The following DCC variants were observed in gnomAD, a reference collection of about 807,000 sequenced individuals.
The protein encoded by DCC is DCC netrin 1 receptor, also known as netrin receptor DCC.
Under a neutral mutation model 172.5 loss-of-function variants are expected in DCC, and 58 were observed. The ratio of observed to expected loss-of-function variants is 0.34; its 90% confidence interval spans 0.27 to 0.42. DCC has a LOEUF of 0.42. DCC is among the 10% of genes least tolerant of loss of function. The probability of loss-of-function intolerance (pLI) is 1.00; values close to 1 mark genes in which losing one functional copy is unlikely to be tolerated. For missense variants in DCC, 1,740 were observed against 1,791.0 expected (o/e 0.97, Z 0.51); for synonymous variants, 709 against 644.5 (o/e 1.10, Z -1.52).
chr18:52,628,194 CT>C (rs569101737), intron 1 of DCC, among the ~76,000 whole-genome samples: 26 of 152,090 alleles, frequency 1.7e-4, no homozygotes, highest in Admixed American at 5.2e-4. Context: ...CCTTGAAAGA[CT>C]TTTTTTTCAT....
At position 53,530,872 on chromosome 18, in the gene DCC, C is replaced by A; in HGVS notation, c.*219C>A. The A allele has an allele frequency of 1.6e-6, 1 of 618,410 alleles. No homozygotes were observed. The highest frequency in any genetic ancestry group is 2.8e-5 in the East Asian group (1 of 35,844). The allele number at this position is 618,410 out of a possible 1,614,324, so 38.3% of individuals were successfully genotyped here. A position where few individuals can be genotyped will look rare whatever the true frequency, so the allele number is the denominator to read the frequency against. ...AAATGATGATTATGAGTTCCCTAAA[C>A]AAAAGCAAAGATGCATTTTCACTGC... On this transcript the variant is annotated 3_prime_UTR_variant, in exon 29 of 29. Coordinates refer to ENST00000442544, the MANE Select transcript of DCC (RefSeq NM_005215.4).
At chr18:53,464,979 C>CA (rs71179510) in intron 24 of DCC, among the ~76,000 whole-genome samples, 1,694 of 54,350 alleles carry the variant, frequency 0.031, 13 homozygotes, top group East Asian at 0.079. Flanking sequence ...AACTCAATCT[C>CA]AAAAAAAAAA....
intron 15 of DCC, among the ~76,000 whole-genome samples, chr18:53,359,864 T>A (rs2057925277): frequency 6.6e-6 from 1 of 152,110 alleles, no homozygotes; most frequent in African/African-American, 2.4e-5. Context: ...CCCATTTCAG[T>A]GACCCCTGAC....
chr18:52,959,171 T>A (rs895123647), intron 5 of DCC, among the ~76,000 whole-genome samples: 1 of 152,020 alleles, frequency 6.6e-6, no homozygotes, highest in African/African-American at 2.4e-5. Context: ...TAATTGTAAA[T>A]AGGTCAAGAA....
chr18:52,592,244 A>T (rs2033816546), intron 1 of DCC, among the ~76,000 whole-genome samples: 1 of 152,226 alleles, frequency 6.6e-6, no homozygotes, highest in African/African-American at 2.4e-5. Context: ...AAATAGCCAG[A>T]TCAACACTTC....
chr18:52,823,658 A>G (rs1168886443), intron 2 of DCC, among the ~76,000 whole-genome samples: 1 of 152,156 alleles, frequency 6.6e-6, no homozygotes, highest in Non-Finnish European at 1.5e-5. Context: ...GCTTTTATAA[A>G]TTGTGTTATA....
chr18:52,954,190 A>C (rs1327949200), intron 5 of DCC, among the ~76,000 whole-genome samples: 1 of 152,206 alleles, frequency 6.6e-6, no homozygotes, highest in South Asian at 2.1e-4. Flanking sequence ...TGCAATAAAA[A>C]TCTTCACAAC....
intron 2 of DCC, among the ~76,000 whole-genome samples, chr18:52,789,504 C>A (rs1483504994): frequency 6.6e-6 from 1 of 152,142 alleles, no homozygotes; most frequent in East Asian, 1.9e-4. Flanking sequence ...TTAAGCTGAG[C>A]ACTCTTTAAG....
chr18:52,503,036 A>G (rs1331284362), intron 1 of DCC, among the ~76,000 whole-genome samples: 1 of 152,190 alleles, frequency 6.6e-6, no homozygotes, highest in Non-Finnish European at 1.5e-5. Flanking sequence ...AGAAGGGCCT[A>G]TTATATATCA....
At chr18:52,354,141 C>A (rs190915422) in intron 1 of DCC, among the ~76,000 whole-genome samples, 1 of 152,074 alleles carries the variant, frequency 6.6e-6, no homozygotes, top group South Asian at 2.1e-4. Context: ...ATAGAGTGAC[C>A]GATCATTCTT....
intron 1 of DCC, among the ~76,000 whole-genome samples, chr18:52,439,135 T>C (rs1042552405): frequency 4.6e-5 from 7 of 150,836 alleles, no homozygotes; most frequent in African/African-American, 1.7e-4. Flanking sequence ...GAAAAAAGCA[T>C]GGTAAACATA....
chr18:52,939,723 T>C (rs574196763), intron 5 of DCC, among the ~76,000 whole-genome samples: 2 of 152,162 alleles, frequency 1.3e-5, no homozygotes, highest in Non-Finnish European at 2.9e-5. Context: ...CTCCTCATTA[T>C]CATCATTTTC....
At chr18:53,215,414 A>G in intron 11 of DCC, 134 bp from the exon 12 acceptor site, 1 of 769,112 alleles carries the variant, frequency 1.3e-6, no homozygotes, top group Non-Finnish European at 2.3e-6. Flanking sequence ...TTTTTGAAGT[A>G]CTACCTGGGT....
Position 53,410,644 on chromosome 18 carries a change from A to C in DCC, c.3128A>C (p.Lys1043Thr). Residue 1043 changes from lysine to threonine, a missense_variant and splice_region_variant, in exon 20 of 29, where the codon AAA becomes ACA. By Grantham distance (78) the Lys-to-Thr change is moderately conservative. Coordinates refer to ENST00000442544, the MANE Select transcript of DCC (RefSeq NM_005215.4). ...LSDPILFRTL[K>T]VEHPDKMAND... Reference sequence around the variant, plus strand: ...GATCCTATCCTCTTCAGGACTCTGAAAGGTTTGAATAATTTCCTATTATGC... The same window carrying C: ...GATCCTATCCTCTTCAGGACTCTGACAGGTTTGAATAATTTCCTATTATGC... 6.4e-7 allele frequency: 1 copy of C among 1,568,298 alleles called. No individual in the cohort carries two copies. Among genetic ancestry groups the C allele is most frequent in the Non-Finnish European group, 8.8e-7 (1 of 1,137,396 alleles).
chr18:52,679,312 G>A (rs979782351), intron 1 of DCC, among the ~76,000 whole-genome samples: 9 of 151,932 alleles, frequency 5.9e-5, no homozygotes, highest in African/African-American at 2.2e-4. Flanking sequence ...CCAAGCACTA[G>A]GAGGCCATTG....
intron 12 of DCC, among the ~76,000 whole-genome samples, chr18:53,228,369 C>A (rs1386585098): frequency 6.6e-6 from 1 of 152,024 alleles, no homozygotes; most frequent in Admixed American, 6.6e-5. Flanking sequence ...TGGATTATTT[C>A]TTTCATTAAT....
intron 26 of DCC, among the ~76,000 whole-genome samples, chr18:53,498,589 T>C (rs1218620350): frequency 6.7e-6 from 1 of 148,624 alleles, no homozygotes; most frequent in Non-Finnish European, 1.5e-5. Flanking sequence ...TGTATTTCCA[T>C]ATACAAAGCT....
intron 26 of DCC, among the ~76,000 whole-genome samples, chr18:53,495,897 G>A (rs894640101): frequency 6.6e-6 from 1 of 151,936 alleles, no homozygotes; most frequent in African/African-American, 2.4e-5. Flanking sequence ...TCCCAAGCTG[G>A]CTCTCTAGAT....
intron 1 of DCC, among the ~76,000 whole-genome samples, chr18:52,630,976 A>G (rs2034664396): frequency 6.6e-6 from 1 of 152,122 alleles, no homozygotes. Flanking sequence ...TCCATTTTCA[A>G]TCAATCCCAG....
Sources: gnomAD v4.1 joint callset for allele counts (sites outside exome capture counted in the v4.1 genomes callset) on GRCh38, gnomAD v4.1.1 for gene constraint, MANE v1.5 for transcripts, NCBI Gene and HGNC (gene_info 2026-07-23, HGNC 2026-07-21) for gene names.